Variants in GMDS observed in about 807,000 individuals in gnomAD.
The protein encoded by GMDS is GDP-mannose 4,6 dehydratase.
GMDS carries 20 observed loss-of-function variants against 49.9 expected under a neutral mutation model. The ratio of observed to expected loss-of-function variants is 0.40; its 90% confidence interval spans 0.28 to 0.58. The LOEUF is 0.58. GMDS is among the 20% of genes least tolerant of loss of function. The pLI is 0.42. For synonymous variants in GMDS, 177 were observed against 178.6 expected, an observed-to-expected ratio of 0.99 and a Z score of 0.07; for missense variants, 362 against 481.4, an observed-to-expected ratio of 0.75 and a Z score of 2.32.
At chr6:2,154,862 GCAAAAAA>G (rs1292073476) in intron 1 of GMDS, among the ~76,000 whole-genome samples, 2 of 33,830 alleles carry the variant, frequency 5.9e-5, no homozygotes, top group Admixed American at 5.1e-4. Context: ...TTGAAGAGAT[GCAAAAAA>G]AAAAAAAAAA....
At chr6:2,081,048 A>G (rs188948449) in intron 4 of GMDS, among the ~76,000 whole-genome samples, 2 of 152,314 alleles carry the variant, frequency 1.3e-5, no homozygotes, top group East Asian at 1.9e-4. Context: ...GGCTCATACA[A>G]TAGTCTCACA....
chr6:1,978,822 C>A (rs1476346934), intron 4 of GMDS, among the ~76,000 whole-genome samples: 1 of 152,148 alleles, frequency 6.6e-6, no homozygotes, highest in Non-Finnish European at 1.5e-5. Context: ...ACCAGGGTCT[C>A]CAGCCACCTC....
chr6:1,704,100 T>C (rs1172898390), intron 9 of GMDS, among the ~76,000 whole-genome samples: 1 of 152,152 alleles, frequency 6.6e-6, no homozygotes, highest in Non-Finnish European at 1.5e-5. Flanking sequence ...AAGACCTCGT[T>C]CTTGACTCCA....
At chr6:1,906,531 T>C (rs962031952) in intron 7 of GMDS, among the ~76,000 whole-genome samples, 1 of 152,272 alleles carries the variant, frequency 6.6e-6, no homozygotes, top group Non-Finnish European at 1.5e-5. Context: ...CTAGGTTATC[T>C]GAATACATGC....
At chr6:2,083,383 G>A (rs564600334) in intron 4 of GMDS, among the ~76,000 whole-genome samples, 10 of 152,072 alleles carry the variant, frequency 6.6e-5, no homozygotes, top group East Asian at 3.9e-4. Context: ...TCTGCAACTC[G>A]TCAAGTATCT....
At chr6:2,085,444 C>T (rs1772956387) in intron 4 of GMDS, among the ~76,000 whole-genome samples, 1 of 152,114 alleles carries the variant, frequency 6.6e-6, no homozygotes, top group Non-Finnish European at 1.5e-5. Flanking sequence ...ATTGTCTGTG[C>T]ACCTTACCTT....
At chr6:1,960,485 G>T (rs1763879868) in intron 5 of GMDS, among the ~76,000 whole-genome samples, 1 of 152,004 alleles carries the variant, frequency 6.6e-6, no homozygotes, top group African/African-American at 2.4e-5. Flanking sequence ...AATCACATTG[G>T]GTCTGATTTT....
intron 9 of GMDS, among the ~76,000 whole-genome samples, chr6:1,673,441 CAG>C (rs1287125214): frequency 1.3e-5 from 2 of 151,436 alleles, no homozygotes; most frequent in Admixed American, 1.3e-4. Flanking sequence ...ACAGAAAGTA[CAG>C]AGAGTTCTCA....
chr6:1,780,019 C>A (rs1024166430), intron 7 of GMDS, among the ~76,000 whole-genome samples: 2 of 152,230 alleles, frequency 1.3e-5, no homozygotes, highest in African/African-American at 4.8e-5. Flanking sequence ...CACATCCCAC[C>A]CAACAGCTCT....
chr6:2,136,906 CAA>C (rs3049649), intron 1 of GMDS, among the ~76,000 whole-genome samples: 58,717 of 128,378 alleles, frequency 0.46, 11,710 homozygotes, highest in East Asian at 0.5. Context: ...TCATTTCAAA[CAA>C]AAAAAAAAAA....
intron 9 of GMDS, among the ~76,000 whole-genome samples, chr6:1,675,455 A>C (rs1241636577): frequency 6.6e-6 from 1 of 151,958 alleles, no homozygotes; most frequent in Non-Finnish European, 1.5e-5. Context: ...TTATTGTATT[A>C]GAAAGGGCTT....
At chr6:2,119,403 A>C (rs941122154) in intron 2 of GMDS, among the ~76,000 whole-genome samples, 3 of 152,192 alleles carry the variant, frequency 2.0e-5, no homozygotes, top group Non-Finnish European at 4.4e-5. Flanking sequence ...TTTTAAATCA[A>C]GTGTTTTAAT....
At chr6:1,740,845 A>C (rs1283195320) in intron 8 of GMDS, among the ~76,000 whole-genome samples, 1 of 152,158 alleles carries the variant, frequency 6.6e-6, no homozygotes, top group Non-Finnish European at 1.5e-5. Flanking sequence ...TAAAATTTGA[A>C]AAAGATCTTA....
intron 2 of GMDS, among the ~76,000 whole-genome samples, chr6:2,118,270 G>A (rs1774959494): frequency 6.6e-6 from 1 of 152,164 alleles, no homozygotes; most frequent in South Asian, 2.1e-4. Flanking sequence ...ATTTGTGTCT[G>A]ACACACAGGA....
chr6:1,881,525 A>G (rs978904665), intron 7 of GMDS, among the ~76,000 whole-genome samples: 1 of 152,222 alleles, frequency 6.6e-6, no homozygotes, highest in Non-Finnish European at 1.5e-5. Context: ...GCCTTGTAAG[A>G]GCATTACTGA....
intron 7 of GMDS, 104 bp from the exon 8 acceptor site, chr6:1,742,690 A>G (rs1279328002): frequency 1.5e-6 from 1 of 660,604 alleles, no homozygotes; most frequent in South Asian, 1.8e-5. Flanking sequence ...CTGGAACATG[A>G]GCATGAATTT....
At chr6:1,625,716 G>A (rs1762833385) in intron 9 of GMDS, among the ~76,000 whole-genome samples, 1 of 152,104 alleles carries the variant, frequency 6.6e-6, no homozygotes, top group South Asian at 2.1e-4. Context: ...AAAGGAGAAA[G>A]GGAGGAAAGA....
At chr6:1,692,989 T>C (rs563434926) in intron 9 of GMDS, among the ~76,000 whole-genome samples, 62 of 152,368 alleles carry the variant, frequency 4.1e-4, no homozygotes, top group African/African-American at 1.4e-3. Flanking sequence ...TTTGTATTCC[T>C]GTACATACTC....
rs1481929894 is a variant in GMDS at position 2,075,942 on chromosome 6, T to C, written c.345+39829A>G. On this transcript the variant is annotated intron_variant, in intron 4 of 10. Transcript: ENST00000380815. ...TGTTGTTTCCTGACTTTTTAATGAT[T>C]GCCATTCTAACTGGTGTGAGATGGT... Among the ~76,000 whole-genome samples, 29 of 152,216 alleles carry C rather than the reference T, an allele frequency of 1.9e-4. No individual in the cohort carries two copies. In the East Asian group the frequency reaches 4.8e-3, roughly 25 times the overall value.
Sources: allele counts gnomAD v4.1 joint callset (sites outside exome capture counted in the v4.1 genomes callset), GRCh38; gene constraint gnomAD v4.1.1; transcripts MANE v1.5; gene names NCBI Gene and HGNC (gene_info 2026-07-23, HGNC 2026-07-21).